PRKCA: variants seen among roughly 807,000 people sequenced by gnomAD.
PRKCA encodes protein kinase C alpha type.
In PRKCA, 27 loss-of-function variants were observed where a neutral mutation model predicts 87.0. That is an observed-to-expected ratio of 0.31 (90% CI 0.23 to 0.43). PRKCA has a LOEUF of 0.43. PRKCA is among the 20% of genes least tolerant of loss of function. The probability of loss-of-function intolerance (pLI) is 1.00; values close to 1 mark genes in which losing one functional copy is unlikely to be tolerated. For synonymous variants in PRKCA, 329 were observed against 311.1 expected (o/e 1.06, Z -0.61); for missense variants, 518 against 852.3 (o/e 0.61, Z 4.88).
intron 10 of PRKCA, 132 bp from the exon 11 acceptor site, chr17:66,738,632 C>G (rs559880494): frequency 2.7e-6 from 2 of 731,260 alleles, no homozygotes; most frequent in East Asian, 5.2e-5. Flanking sequence ...TGTGAAAGAG[C>G]TCTAAACTGA....
At chr17:66,610,654 A>T (rs1192947386) in intron 3 of PRKCA, among the ~76,000 whole-genome samples, 9 of 152,230 alleles carry the variant, frequency 5.9e-5, no homozygotes, top group Non-Finnish European at 1.3e-4. Context: ...AAGCAAATTT[A>T]CTTCTGCAGA....
chr17:66,672,178 G>A (rs1247973452), intron 5 of PRKCA, among the ~76,000 whole-genome samples: 1 of 152,194 alleles, frequency 6.6e-6, no homozygotes, highest in Non-Finnish European at 1.5e-5. Context: ...TCTGTTTCTA[G>A]AAGAATGGTG....
rs1165449974 is a variant in PRKCA at position 66,492,902 on chromosome 17, C to T, written c.206-3299C>T. ...TGTTTTCTTCGATTCACACTCACCT[C>T]CTCCTGCCCCTGACTGTGCAGGGCA... On this transcript the variant is annotated intron_variant, in intron 2 of 16. Transcript: ENST00000413366. Among the ~76,000 whole-genome samples the T allele has an allele frequency of 2.0e-5, 3 of 152,206 alleles. No homozygotes were observed. The East Asian group carries it at 5.8e-4, about 29-fold the overall frequency.
intron 2 of PRKCA, among the ~76,000 whole-genome samples, chr17:66,397,843 A>G (rs754666377): frequency 2.6e-5 from 4 of 152,100 alleles, no homozygotes; most frequent in South Asian, 2.1e-4. Context: ...CTGTCGTCCA[A>G]CTCTGTTTGT....
At chr17:66,527,114 C>T (rs1427258053) in intron 3 of PRKCA, among the ~76,000 whole-genome samples, 2 of 152,060 alleles carry the variant, frequency 1.3e-5, no homozygotes, top group Non-Finnish European at 2.9e-5. Flanking sequence ...CATTGACTAC[C>T]GGGTTCTTTG....
intron 3 of PRKCA, among the ~76,000 whole-genome samples, chr17:66,579,446 G>A (rs1204094399): frequency 3.3e-5 from 5 of 152,192 alleles, no homozygotes; most frequent in Non-Finnish European, 4.4e-5. Context: ...CAGAGGTCAC[G>A]CTTACCAAGG....
chr17:66,481,460 T>G (rs912570586), intron 2 of PRKCA, among the ~76,000 whole-genome samples: 2 of 152,116 alleles, frequency 1.3e-5, no homozygotes, highest in African/African-American at 4.8e-5. Flanking sequence ...CTTCCTGATT[T>G]CATGTAAGAG....
intron 5 of PRKCA, among the ~76,000 whole-genome samples, chr17:66,659,601 G>A (rs891362636): frequency 3.3e-5 from 5 of 151,960 alleles, no homozygotes; most frequent in African/African-American, 1.2e-4. Context: ...AAATTAGCCG[G>A]GCATGGTGGC....
chr17:66,706,090 G>C (rs947691427), intron 8 of PRKCA, among the ~76,000 whole-genome samples: 11 of 152,120 alleles, frequency 7.2e-5, no homozygotes, highest in Admixed American at 1.3e-4. Flanking sequence ...GCCCAGCCCA[G>C]CCTCTGACCC....
chr17:66,712,319 T>C (rs762729192), intron 8 of PRKCA, among the ~76,000 whole-genome samples: 4 of 152,194 alleles, frequency 2.6e-5, no homozygotes, highest in Admixed American at 6.5e-5. Flanking sequence ...GGAACCCTAT[T>C]TGGGACCCAA....
At chr17:66,556,791 T>A (rs1208301852) in intron 3 of PRKCA, among the ~76,000 whole-genome samples, 1 of 152,188 alleles carries the variant, frequency 6.6e-6, no homozygotes. Flanking sequence ...ACCATGATTT[T>A]AAGTTTCCTG....
At chr17:66,580,019 T>C (rs947670733) in intron 3 of PRKCA, among the ~76,000 whole-genome samples, 1 of 152,184 alleles carries the variant, frequency 6.6e-6, no homozygotes, top group Non-Finnish European at 1.5e-5. Context: ...GGGAGATGTC[T>C]CGGCATCTCT....
rs1260705111 is a variant in PRKCA, at chr17:66,804,676, G to T, written c.*639G>T. Reference sequence around the variant, plus strand: ...TTAAACAAAAAAACCTCAGATGAGTGTTGGGTGAATCTGTCATCTGGTACC... The same window carrying T: ...TTAAACAAAAAAACCTCAGATGAGTTTTGGGTGAATCTGTCATCTGGTACC... On this transcript the variant is annotated 3_prime_UTR_variant, in exon 17 of 17. Coordinates refer to ENST00000413366, the MANE Select transcript of PRKCA (RefSeq NM_002737.3). 1 of 152,708 alleles carries T rather than the reference G, an allele frequency of 6.5e-6. No homozygotes were observed. The highest frequency in any genetic ancestry group is 1.5e-5 in the Non-Finnish European group (1 of 68,150). 9.5% of individuals were successfully genotyped at this position (152,708 alleles called of 1,614,324 possible). A position where few individuals can be genotyped will look rare whatever the true frequency, so the allele number is the denominator to read the frequency against.
intron 2 of PRKCA, among the ~76,000 whole-genome samples, chr17:66,478,727 T>C (rs374778249): frequency 1.3e-4 from 18 of 143,412 alleles, no homozygotes; most frequent in Non-Finnish European, 2.6e-4. Flanking sequence ...TAAAATTAAA[T>C]TTTCCCAAAC....
At chr17:66,738,673 T>G (rs1016373047) in intron 10 of PRKCA, 91 bp from the exon 11 acceptor site, 2 of 996,142 alleles carry the variant, frequency 2.0e-6, no homozygotes, top group Non-Finnish European at 3.2e-6. Context: ...CCCATTTAAC[T>G]AATGAGAAAG....
At chr17:66,620,331 G>A (rs995971416) in intron 3 of PRKCA, among the ~76,000 whole-genome samples, 1 of 152,112 alleles carries the variant, frequency 6.6e-6, no homozygotes, top group Non-Finnish European at 1.5e-5. Flanking sequence ...TTCCACAAAG[G>A]GAGTAGGATT....
chr17:66,588,490 A>C (rs1224442566), intron 3 of PRKCA, among the ~76,000 whole-genome samples: 2 of 152,162 alleles, frequency 1.3e-5, no homozygotes, highest in African/African-American at 4.8e-5. Flanking sequence ...AACCTTTAAT[A>C]GAAGCATCTG....
chr17:66,786,158 T>C (rs1208635946), intron 14 of PRKCA, among the ~76,000 whole-genome samples: 1 of 152,184 alleles, frequency 6.6e-6, no homozygotes, highest in African/African-American at 2.4e-5. Context: ...AACGAAGTCA[T>C]TTGCCTGTGG....
chr17:66,562,442 G>A lies in PRKCA; in HGVS notation c.288+66159G>A, dbSNP rs145352955. Among the ~76,000 whole-genome samples, 229 of 151,916 alleles carry A rather than the reference G, an allele frequency of 1.5e-3. 4 individuals are homozygous for A. The East Asian group carries it at 0.022, about 15-fold the overall frequency. On this transcript the variant is annotated intron_variant, in intron 3 of 16. Transcript: ENST00000413366. ...CAGCAGTTGTGGAAGTATGTCTCAG[G>A]CACCCTGGAGGACACCTAAGGGGAA...
Sources: allele counts gnomAD v4.1 joint callset (sites outside exome capture counted in the v4.1 genomes callset), GRCh38; gene constraint gnomAD v4.1.1; transcripts MANE v1.5; gene names NCBI Gene and HGNC (gene_info 2026-07-23, HGNC 2026-07-21).